The following ZNF215 variants were observed in gnomAD, a reference collection of about 807,000 sequenced individuals.
ZNF215 encodes the protein BWSCR2-associated zinc finger protein 2.
ZNF215 carries 24 observed loss-of-function variants against 27.2 expected under a neutral mutation model. The observed-to-expected ratio is 0.88, with a 90% CI of 0.64 to 1.24. ZNF215 has a LOEUF of 1.24. Among genes scored for constraint, ZNF215 ranks in the 50% most tolerant of loss-of-function variants. The probability of loss-of-function intolerance (pLI) is 0.00; values close to 1 mark genes in which losing one functional copy is unlikely to be tolerated. For missense variants in ZNF215, 675 were observed against 605.7 expected, an observed-to-expected ratio of 1.11 and a Z score of -1.20; for synonymous variants, 210 against 204.0, an observed-to-expected ratio of 1.03 and a Z score of -0.25.
chr11:6,930,980 G>T (rs1849237566), intron 2 of ZNF215, among the ~76,000 whole-genome samples: 1 of 152,200 alleles, frequency 6.6e-6, no homozygotes, highest in Non-Finnish European at 1.5e-5. Context: ...GGACTATCCT[G>T]TGTAGGATAT....
chr11:6,964,214 T>C (rs947430685), intron 5 of ZNF215, among the ~76,000 whole-genome samples: 7 of 152,190 alleles, frequency 4.6e-5, no homozygotes, highest in African/African-American at 1.2e-4. Context: ...GATATGTATT[T>C]TGTGTAAATA....
At chr11:6,952,460 G>A (rs1850113626) in intron 6 of ZNF215, among the ~76,000 whole-genome samples, 1 of 152,228 alleles carries the variant, frequency 6.6e-6, no homozygotes, top group Middle Eastern at 3.4e-3. Flanking sequence ...AGCTCTTCTT[G>A]TTGAATTGAT....
In ZNF215 at chr11:6,956,617, T is replaced by C. The variant is rs1256916303; in HGVS notation, c.*86T>C. On this transcript the variant is annotated 3_prime_UTR_variant, in exon 7 of 7. Transcript: ENST00000278319. ...TTTATGCTGGATAAAATCTCATGAA[T>C]ATAATGTAAGAAAACATTTGTCAGA... is the stretch of plus-strand genomic sequence containing the variant. 4.8e-6 allele frequency: 7 copies of C among 1,447,322 alleles called. No homozygotes were observed. The highest frequency in any genetic ancestry group is 6.3e-6 in the Non-Finnish European group (7 of 1,106,798). The allele number at this position is 1,447,322 out of a possible 1,614,324, so 89.7% of individuals were successfully genotyped here. A position where few individuals can be genotyped will look rare whatever the true frequency, so the allele number is the denominator to read the frequency against.
At chr11:6,984,060 G>A in intron 5 of ZNF215, 1 of 373,736 alleles carries the variant, frequency 2.7e-6, no homozygotes, top group Non-Finnish European at 5.1e-6. Context: ...CTATCTTTGG[G>A]GGTATGAAGT....
rs747155364 is a variant in ZNF215, at chr11:6,955,805, C to G, written c.828C>G (p.Asn276Lys). The change falls in exon 7 of 7, where the codon AAC becomes AAG. Residue 276 changes from asparagine to lysine, a missense_variant. Physicochemically the swap from Asn to Lys is moderately conservative, Grantham distance 94 (BLOSUM62 0). Transcript: ENST00000278319. The stretch of plus-strand genomic sequence containing the variant: ...AAGGTGAGAATTGGTTATATAGGAA[C>G]CAGAAAAAATGGGACATAAATTTGC... The part of the protein sequence containing the change: ...AWKGENWLYR[N>K]QKKWDINLPQ... The G allele has an allele frequency of 4.2e-5, 67 of 1,613,540 alleles. No homozygotes were observed. Among genetic ancestry groups the G allele is most frequent in the Non-Finnish European group, 5.6e-5 (66 of 1,179,932 alleles).
chr11:6,962,406 T>C (rs1342706894), downstream of ZNF215, among the ~76,000 whole-genome samples: 2 of 152,056 alleles, frequency 1.3e-5, no homozygotes, highest in Non-Finnish European at 2.9e-5. Flanking sequence ...GGAGAGTGGA[T>C]CTAGAAGGGA....
chr11:6,946,722 C>A (rs2133241934), intron 6 of ZNF215, among the ~76,000 whole-genome samples: 1 of 152,270 alleles, frequency 6.6e-6, no homozygotes. Flanking sequence ...GCAGTTATCA[C>A]AATTATATTT....
chr11:6,936,338 G>C (rs1382886257), intron 3 of ZNF215, among the ~76,000 whole-genome samples: 2 of 151,984 alleles, frequency 1.3e-5, no homozygotes, highest in Non-Finnish European at 2.9e-5. Flanking sequence ...AAATGAAAGG[G>C]CTCATAAGAG....
At chr11:6,972,072 C>G (rs997184486) in intron 5 of ZNF215, among the ~76,000 whole-genome samples, 1 of 152,046 alleles carries the variant, frequency 6.6e-6, no homozygotes, top group Non-Finnish European at 1.5e-5. Flanking sequence ...CCCAAGACTA[C>G]TCATCTAGAA....
chr11:6,962,666 T>G (rs781585557), downstream of ZNF215, among the ~76,000 whole-genome samples: 4 of 152,072 alleles, frequency 2.6e-5, no homozygotes, highest in Non-Finnish European at 5.9e-5. Flanking sequence ...TACAGGGTGG[T>G]CCCCAGACCA....
chr11:6,955,596 C>T (rs1398613722), intron 6 of ZNF215, 94 bp from the exon 7 acceptor site: 2 of 1,226,342 alleles, frequency 1.6e-6, no homozygotes, highest in Admixed American at 2.8e-5. Flanking sequence ...TATTTAAGAC[C>T]CGTGGTATAT....
chr11:6,951,335 A>G (rs1850050269), intron 6 of ZNF215, among the ~76,000 whole-genome samples: 2 of 152,192 alleles, frequency 1.3e-5, no homozygotes, highest in Admixed American at 6.5e-5. Flanking sequence ...TACCTCTGGT[A>G]GAATTCGGCT....
chr11:6,991,812 A>G (rs746849978), downstream of ZNF215, among the ~76,000 whole-genome samples: 2 of 152,188 alleles, frequency 1.3e-5, no homozygotes, highest in African/African-American at 4.8e-5. Context: ...TTAATTTCCA[A>G]TATAATCTCT....
chr11:6,957,678 A>T lies in ZNF215; in HGVS notation c.*1147A>T. On this transcript the variant is annotated 3_prime_UTR_variant, in exon 7 of 7. Coordinates refer to ENST00000278319, the MANE Select transcript of ZNF215 (RefSeq NM_013250.4). ...AGTCTATGGTAAAATTGGTTTTGTT[A>T]TACATCATTTCACTTAAAGTTGCAG... is the stretch of plus-strand genomic sequence containing the variant. 1 of 913,988 alleles carries T rather than the reference A, an allele frequency of 1.1e-6. No individual in the cohort carries two copies. Among genetic ancestry groups the T allele is most frequent in the African/African-American group, 1.8e-5 (1 of 55,788 alleles). 56.6% of individuals were successfully genotyped at this position (913,988 alleles called of 1,614,324 possible).
At chr11:6,974,875 G>A (rs1194715503) in intron 5 of ZNF215, among the ~76,000 whole-genome samples, 2 of 151,656 alleles carry the variant, frequency 1.3e-5, no homozygotes, top group East Asian at 1.9e-4. Flanking sequence ...CTAATTGAAT[G>A]CCCTTTATTT....
At chr11:6,958,724 C>A (rs182376649), downstream of ZNF215, among the ~76,000 whole-genome samples, 30 of 152,298 alleles carry the variant, frequency 2.0e-4, no homozygotes, top group East Asian at 5.8e-3. Flanking sequence ...CCCAATTTTA[C>A]ATAAGAGTCC....
downstream of ZNF215, among the ~76,000 whole-genome samples, chr11:6,985,596 A>G (rs1407791442): frequency 1.3e-5 from 2 of 152,160 alleles, no homozygotes; most frequent in African/African-American, 4.8e-5. Flanking sequence ...AAGTCAAGCT[A>G]TTTATCTTCA....
At chr11:6,952,179 G>T (rs1850098310) in intron 6 of ZNF215, among the ~76,000 whole-genome samples, 1 of 152,168 alleles carries the variant, frequency 6.6e-6, no homozygotes, top group Non-Finnish European at 1.5e-5. Context: ...TGGAATAGGT[G>T]TGGTGTGGTG....
At chr11:6,967,779 C>CTCTT in intron 5 of ZNF215, among the ~76,000 whole-genome samples, 1 of 152,264 alleles carries the variant, frequency 6.6e-6, no homozygotes, top group Admixed American at 6.5e-5. Context: ...TGTGCAGAAG[C>CTCTT]TCTTTAGTTT....
Sources: gnomAD v4.1 joint callset for allele counts (sites outside exome capture counted in the v4.1 genomes callset) on GRCh38, gnomAD v4.1.1 for gene constraint, MANE v1.5 for transcripts, NCBI Gene and HGNC (gene_info 2026-07-23, HGNC 2026-07-21) for gene names.